NBAS: variants seen among roughly 807,000 people sequenced by gnomAD.
NBAS encodes NAG/BC035112 fusion.
In NBAS, 219 loss-of-function variants were observed where a neutral mutation model predicts 302.5. The ratio of observed to expected loss-of-function variants is 0.72; its 90% CI spans 0.65 to 0.81. The LOEUF (loss-of-function observed/expected upper bound fraction) is 0.81, where lower values mean the gene tolerates loss of function less well. Ranked by LOEUF, NBAS falls within the 30% of genes least tolerant of loss-of-function variation. NBAS has a pLI of 0.00. For synonymous variants in NBAS, 1,118 were observed against 1,021.6 expected, an observed-to-expected ratio of 1.09 and a Z score of -1.80; for missense variants, 2,932 against 2,841.6, an observed-to-expected ratio of 1.03 and a Z score of -0.72.
chr2:15,201,020 T>C (rs922476021), intron 48 of NBAS, among the ~76,000 whole-genome samples: 1 of 152,236 alleles, frequency 6.6e-6, no homozygotes, highest in African/African-American at 2.4e-5. Context: ...ATGAAGAGAA[T>C]TATTCCTGGC....
chr2:15,007,156 C>T, the NBAS span, among the ~76,000 whole-genome samples: 1 of 152,188 alleles, frequency 6.6e-6, no homozygotes. Flanking sequence ...TGCTGATTTT[C>T]ATCTTCATAG....
the NBAS span, among the ~76,000 whole-genome samples, chr2:15,034,009 GAAGAAGAAGAA>G: frequency 8.1e-4 from 40 of 49,320 alleles, no homozygotes; most frequent in Admixed American, 4.1e-3. Context: ...AGAAGAAGAA[GAAGAAGAAGAA>G]GAAGAAGAGG....
the NBAS span, among the ~76,000 whole-genome samples, chr2:14,872,955 T>C: frequency 6.6e-6 from 1 of 152,176 alleles, no homozygotes; most frequent in Admixed American, 6.5e-5. Context: ...GTGTTGCAGC[T>C]CATACAGGCA....
chr2:15,157,498 C>T, the NBAS span, among the ~76,000 whole-genome samples: 1 of 152,172 alleles, frequency 6.6e-6, no homozygotes, highest in Non-Finnish European at 1.5e-5. Context: ...AGCATGACAC[C>T]CTCACCTGGG....
the NBAS span, among the ~76,000 whole-genome samples, chr2:14,979,898 C>A: frequency 9.9e-5 from 15 of 152,180 alleles, no homozygotes; most frequent in African/African-American, 3.6e-4. Context: ...ATGTGGGCAC[C>A]CTTGACTGTA....
the NBAS span, among the ~76,000 whole-genome samples, chr2:15,151,601 G>A: frequency 6.6e-6 from 1 of 152,194 alleles, no homozygotes; most frequent in Non-Finnish European, 1.5e-5. Flanking sequence ...ACACCTGTGT[G>A]TGATAGTTAA....
At chr2:14,830,908 A>T in the NBAS span, among the ~76,000 whole-genome samples, 1 of 152,134 alleles carries the variant, frequency 6.6e-6, no homozygotes, top group East Asian at 1.9e-4. Flanking sequence ...AAATATTGCC[A>T]CCATGGCCAA....
chr2:15,242,420 A>C (rs1322301779), intron 44 of NBAS, among the ~76,000 whole-genome samples: 1 of 152,232 alleles, frequency 6.6e-6, no homozygotes, highest in Admixed American at 6.5e-5. Flanking sequence ...ATGATTAAAA[A>C]TATGTAAGGT....
At position 15,276,929 on chromosome 2, in the gene NBAS, AG is replaced by A; in HGVS notation, c.5310del (p.Cys1771ValfsTer18). The A allele has an allele frequency of 1.2e-6, 2 of 1,614,120 alleles. No individual in the cohort carries two copies. The highest frequency in any genetic ancestry group is 1.7e-6 in the Non-Finnish European group (2 of 1,179,998). On this transcript the variant is annotated frameshift_variant, in exon 43 of 52. Transcript: ENST00000281513. LOFTEE classifies it high-confidence loss of function. ...QYYFTLLENCGCADLGNCAIK... is the reference protein window; with the variant it reads ...QYYFTLLENCXCADLGNCAIK... The stretch of plus-strand genomic sequence containing the variant: ...ATGGCACAGTTCCCCAAATCTGCAC[AG>A]CCACAGTTTTCCAGAAGAGTGAAAT...
At chr2:14,809,911 C>T in the NBAS span, among the ~76,000 whole-genome samples, 433 of 152,298 alleles carry the variant, frequency 2.8e-3, 1 homozygote, top group Non-Finnish European at 4.2e-3. Context: ...ATGTGAGACA[C>T]GGAGCCAAAC....
At chr2:15,064,302 C>CAAAAAAAAAAAAAAAAAA in the NBAS span, among the ~76,000 whole-genome samples, 1 of 131,394 alleles carries the variant, frequency 7.6e-6, no homozygotes. Flanking sequence ...AGAAAAGACT[C>CAAAAAAAAAAAAAAAAAA]AAAAAAAAAA....
At chr2:15,231,545 A>G (rs1184574162) in intron 47 of NBAS, among the ~76,000 whole-genome samples, 1 of 152,214 alleles carries the variant, frequency 6.6e-6, no homozygotes, top group Non-Finnish European at 1.5e-5. Context: ...CAACATATAC[A>G]GCCGTTAGAA....
At chr2:15,017,851 C>A in the NBAS span, among the ~76,000 whole-genome samples, 1 of 152,048 alleles carries the variant, frequency 6.6e-6, no homozygotes, top group Non-Finnish European at 1.5e-5. Flanking sequence ...TGCATCCCCA[C>A]TTTTATGGCA....
At chr2:15,382,922 T>C (rs1284048838) in intron 29 of NBAS, among the ~76,000 whole-genome samples, 1 of 152,102 alleles carries the variant, frequency 6.6e-6, no homozygotes, top group Non-Finnish European at 1.5e-5. Context: ...CTCAGATGCA[T>C]TAGACAAGTG....
chr2:15,055,839 T>G, the NBAS span, among the ~76,000 whole-genome samples: 1 of 152,192 alleles, frequency 6.6e-6, no homozygotes, highest in African/African-American at 2.4e-5. Context: ...GAACTACATA[T>G]ATTGTGAAAA....
Position 15,391,489 on chromosome 2 carries a change from A to C in NBAS, c.3257+2738T>G, listed in dbSNP as rs555265055. ...ACAGCGATAGAAATTATCCAAAATG[A>C]AACAAAAATACCGAAGAATATTAAA... On this transcript the variant is annotated intron_variant, in intron 28 of 51. Coordinates refer to ENST00000281513, the MANE Select transcript of NBAS (RefSeq NM_015909.4). Among the ~76,000 whole-genome samples the C allele has an allele frequency of 7.2e-5, 11 of 152,264 alleles. 1 individual carries two copies. In the South Asian group the frequency reaches 1.5e-3, roughly 20 times the overall value.
chr2:15,172,039 A>AT lies in NBAS; in HGVS notation c.6841-4717dup, dbSNP rs532905382. ...ATACATCAGGCAAAGTATCTGAAAC[A>AT]TTTTTTTGGTTCTAAATATGAATGT... On this transcript the variant is annotated intron_variant, in intron 51 of 51. Transcript: ENST00000281513. Among the ~76,000 whole-genome samples the AT allele has an allele frequency of 2.3e-3, 344 of 152,266 alleles. 3 individuals carry two copies. Among genetic ancestry groups the AT allele is most frequent in the African/African-American group, 7.2e-3 (301 of 41,548 alleles).
chr2:15,229,793 AG>A (rs1275238438), intron 47 of NBAS, among the ~76,000 whole-genome samples: 3 of 151,908 alleles, frequency 2.0e-5, no homozygotes, highest in African/African-American at 4.8e-5. Context: ...AAAAAAAAAA[AG>A]AAAAGAAAAA....
chr2:15,219,729 C>T (rs1392398222), intron 47 of NBAS, among the ~76,000 whole-genome samples: 1 of 137,966 alleles, frequency 7.2e-6, no homozygotes, highest in Non-Finnish European at 1.6e-5. Flanking sequence ...TACTTCTATC[C>T]ACACAGACCC....
Sources: gnomAD v4.1 joint callset for allele counts (sites outside exome capture counted in the v4.1 genomes callset) on GRCh38, gnomAD v4.1.1 for gene constraint, MANE v1.5 for transcripts, NCBI Gene and HGNC (gene_info 2026-07-23, HGNC 2026-07-21) for gene names.